Variants in SERINC2 observed in about 807,000 individuals in gnomAD.
SERINC2 encodes tumor differentially expressed protein 2.
In SERINC2, 56 loss-of-function variants were observed where a neutral mutation model predicts 54.2. The observed-to-expected ratio is 1.03, with a 90% confidence interval of 0.83 to 1.29. The LOEUF is 1.29. Ranked by LOEUF, SERINC2 falls within the 50% of genes most tolerant of loss-of-function variation. The pLI is 0.00. For synonymous variants in SERINC2, 272 were observed against 253.1 expected, an observed-to-expected ratio of 1.07 and a Z score of -0.71; for missense variants, 614 against 607.4, an observed-to-expected ratio of 1.01 and a Z score of -0.12.
chr1:31,417,405 C>T (rs970997683), intron 1 of SERINC2, among the ~76,000 whole-genome samples: 3 of 152,158 alleles, frequency 2.0e-5, no homozygotes, highest in African/African-American at 4.8e-5. Context: ...GCTTTTCTCA[C>T]CCTTTCAGCT....
chr1:31,433,891 G>A (rs1017481121), intron 9 of SERINC2, among the ~76,000 whole-genome samples, 173 bp from the exon 10 acceptor site: 1 of 152,162 alleles, frequency 6.6e-6, no homozygotes, highest in Non-Finnish European at 1.5e-5. Flanking sequence ...TCGAGGTCAG[G>A]AGCTATGTCC....
At chr1:31,431,776 A>AGGGTGGACAGGGTGG in intron 8 of SERINC2, among the ~76,000 whole-genome samples, 1 of 6,314 alleles carries the variant, frequency 1.6e-4, no homozygotes, top group South Asian at 7.8e-3. Context: ...GGAGAGGGTG[A>AGGGTGGACAGGGTGG]ATAGGGTGGA....
Position 31,434,204 on chromosome 1 carries a change from G to A in SERINC2, c.*5G>A. 1.2e-6 allele frequency: 2 copies of A among 1,611,320 alleles called. No homozygotes were observed. Among genetic ancestry groups the A allele is most frequent in the Non-Finnish European group, 1.7e-6 (2 of 1,179,276 alleles). On this transcript the variant is annotated 3_prime_UTR_variant, in exon 10 of 10. Coordinates refer to ENST00000373709, the MANE Select transcript of SERINC2 (RefSeq NM_178865.5). ...CGCAACCGCGACTTCAGCTGAGGCA[G>A]CCTCACAGCCTGCCATCTGGTGCCT...
chr1:31,417,866 T>TTTTTTG, intron 1 of SERINC2, among the ~76,000 whole-genome samples: 1 of 144,866 alleles, frequency 6.9e-6, no homozygotes, highest in Non-Finnish European at 1.5e-5. Flanking sequence ...TTTTTTTTTT[T>TTTTTTG]TTTTTTTTGA....
chr1:31,414,652 G>A (rs1254872071), intron 1 of SERINC2: 2 of 985,430 alleles, frequency 2.0e-6, no homozygotes, highest in Non-Finnish European at 1.2e-6. Flanking sequence ...AATCAAGCTG[G>A]TGCCTGAAAT....
At chr1:31,433,799 G>C (rs1557504190) in intron 9 of SERINC2, among the ~76,000 whole-genome samples, 1 of 152,102 alleles carries the variant, frequency 6.6e-6, no homozygotes, top group Non-Finnish European at 1.5e-5. Flanking sequence ...CTAGGATTGA[G>C]GTCCCAGAAT....
At chr1:31,420,873 G>A (rs944288240) in intron 1 of SERINC2, among the ~76,000 whole-genome samples, 3 of 152,182 alleles carry the variant, frequency 2.0e-5, no homozygotes, top group Admixed American at 2.0e-4. Context: ...TCTCAGTGCT[G>A]TTATCAACTT....
At chr1:31,414,021 C>A (rs1640712605) in intron 1 of SERINC2, 3 of 1,522,240 alleles carry the variant, frequency 2.0e-6, no homozygotes, top group African/African-American at 1.4e-5. Context: ...GGGATGGGAG[C>A]GGAGGGAGCC....
intron 1 of SERINC2, among the ~76,000 whole-genome samples, chr1:31,415,258 G>T (rs965402420): frequency 2.3e-4 from 35 of 152,324 alleles, no homozygotes; most frequent in African/African-American, 8.4e-4. Context: ...GGCTGGTCCA[G>T]GGAAGAATTG....
Position 31,413,821 on chromosome 1 carries a change from C to G in SERINC2, c.39+517C>G. On this transcript the variant is annotated intron_variant, in intron 1 of 9. Coordinates refer to ENST00000373709, the MANE Select transcript of SERINC2 (RefSeq NM_178865.5). This position sits in a 1 kb window ranked among gnomAD's most constrained non-coding sequence, Gnocchi z 5.0. ...GCTCCGCCTGTCCGTTCGTATTTGT[C>G]TGGTTCCTGTCTGTGTCCGTCGTTC... The G allele has an allele frequency of 7.1e-7, 1 of 1,398,966 alleles. No individual in the cohort carries two copies. The highest frequency in any genetic ancestry group is 9.2e-7 in the Non-Finnish European group (1 of 1,083,148). The allele number at this position is 1,398,966 out of a possible 1,614,324, so 86.7% of individuals were successfully genotyped here.
chr1:31,432,321 A>G (rs1323827945), intron 8 of SERINC2, among the ~76,000 whole-genome samples: 2 of 151,656 alleles, frequency 1.3e-5, no homozygotes, highest in African/African-American at 2.4e-5. Context: ...TTGTTTGGAA[A>G]CGTGAGTTGG....
In SERINC2 at chr1:31,424,832, C is replaced by T. The variant is rs782011296; in HGVS notation, c.351C>T (p.Cys117=). ...TCTTTTTCACCCTGCTCATGCTCTG[C>T]GTGAGCAGCAGCCGGGACCCCCGGG... is the stretch of plus-strand genomic sequence containing the variant. ...FFFFFTLLML[C]VSSSRDPRAA... is the part of the protein sequence containing the mutation. Residue 117 remains cysteine, a synonymous_variant, in exon 3 of 10, where the codon TGC becomes TGT. Transcript: ENST00000373709. 3.7e-6 allele frequency: 6 copies of T among 1,611,340 alleles called. No homozygotes were observed. Among genetic ancestry groups the T allele is most frequent in the South Asian group, 1.1e-5 (1 of 90,846 alleles).
chr1:31,432,219 G>GAGGGTGGTT (rs1641316584), intron 8 of SERINC2, among the ~76,000 whole-genome samples: 4 of 136,620 alleles, frequency 2.9e-5, no homozygotes, highest in Admixed American at 8.0e-5. Context: ...ACAGGGTGGA[G>GAGGGTGGTT]AGGGTGGATA....
At chr1:31,423,962 T>C in intron 2 of SERINC2, 108 bp downstream of exon 2, 3 of 1,053,444 alleles carry the variant, frequency 2.8e-6, no homozygotes, top group Non-Finnish European at 4.2e-6. Flanking sequence ...GGAGGCAGGG[T>C]GTTTGGGTGC....
At chr1:31,431,856 G>A in intron 8 of SERINC2, among the ~76,000 whole-genome samples, 1 of 149,402 alleles carries the variant, frequency 6.7e-6, no homozygotes, top group African/African-American at 2.5e-5. Flanking sequence ...TGGATAGGGT[G>A]GATAGGGTGG....
upstream of SERINC2, chr1:31,413,113 C>T (rs1640683106): frequency 1.0e-6 from 1 of 1,001,056 alleles, no homozygotes; most frequent in African/African-American, 1.7e-5. The surrounding 1 kb of genome is among the most constrained non-coding windows in gnomAD (Gnocchi z 5.0). Flanking sequence ...TCTGGGGAGG[C>T]CCCGAGCGCC....
At chr1:31,432,308 C>G (rs935199988) in intron 8 of SERINC2, among the ~76,000 whole-genome samples, 3 of 151,470 alleles carry the variant, frequency 2.0e-5, no homozygotes, top group Non-Finnish European at 2.9e-5. Context: ...CTCCTTTTCA[C>G]TTTTGTTTGG....
intron 6 of SERINC2, among the ~76,000 whole-genome samples, chr1:31,428,760 G>A (rs1312574884): frequency 6.6e-6 from 1 of 152,154 alleles, no homozygotes; most frequent in Non-Finnish European, 1.5e-5. Flanking sequence ...AGGAGGGCAA[G>A]TAATCTGAGG....
At chr1:31,431,787 T>TGGAC (rs1641218663) in intron 8 of SERINC2, among the ~76,000 whole-genome samples, 2 of 11,988 alleles carry the variant, frequency 1.7e-4, no homozygotes, top group Non-Finnish European at 6.2e-4. Flanking sequence ...ATAGGGTGGA[T>TGGAC]AGGGTGGATA....
Sources: gnomAD v4.1 joint callset for allele counts (sites outside exome capture counted in the v4.1 genomes callset) on GRCh38, gnomAD v4.1.1 for gene constraint, Gnocchi (gnomAD v3.1) non-coding constraint, MANE v1.5 for transcripts, NCBI Gene and HGNC (gene_info 2026-07-23, HGNC 2026-07-21) for gene names.